ADARB2: variants seen among roughly 807,000 people sequenced by gnomAD.
ADARB2 encodes inactive double-stranded RNA-specific editase B2.
In ADARB2, 25 loss-of-function variants were observed where a neutral mutation model predicts 62.2. That is an observed-to-expected ratio of 0.40 (90% CI 0.29 to 0.56). The LOEUF is 0.56. Among genes scored for constraint, ADARB2 ranks in the 20% least tolerant of loss-of-function variants. The pLI is 0.43. For missense variants in ADARB2, 1,071 were observed against 1,077.4 expected (o/e 0.99, Z 0.08); for synonymous variants, 572 against 500.8 (o/e 1.14, Z -1.90).
intron 1 of ADARB2, among the ~76,000 whole-genome samples, chr10:1,483,623 G>T (rs1312187665): frequency 6.6e-6 from 1 of 152,044 alleles, no homozygotes; most frequent in Admixed American, 6.5e-5. Flanking sequence ...GTCTTTCAGT[G>T]GTGCTCTTTA....
At chr10:1,581,220 G>A (rs1833092844) in intron 1 of ADARB2, among the ~76,000 whole-genome samples, 1 of 152,236 alleles carries the variant, frequency 6.6e-6, no homozygotes, top group Non-Finnish European at 1.5e-5. Flanking sequence ...CGATGTTCAA[G>A]GTGCGGGGAA....
intron 4 of ADARB2, among the ~76,000 whole-genome samples, chr10:1,252,918 A>G (rs1428060751): frequency 6.6e-6 from 1 of 152,160 alleles, no homozygotes; most frequent in South Asian, 2.1e-4. Context: ...TAAACATTTC[A>G]AATGCATTGA....
intron 8 of ADARB2, among the ~76,000 whole-genome samples, chr10:1,196,315 C>T (rs1386020005): frequency 1.3e-5 from 2 of 149,090 alleles, no homozygotes; most frequent in East Asian, 4.0e-4. Context: ...GTTCACTGCT[C>T]TATTCTCAAT....
chr10:1,206,700 CCGTCTCTG>C (rs1837072382), intron 7 of ADARB2, among the ~76,000 whole-genome samples: 1 of 152,202 alleles, frequency 6.6e-6, no homozygotes, highest in South Asian at 2.1e-4. Context: ...CCCTGCGCCT[CCGTCTCTG>C]CGTCTCTGTA....
intron 1 of ADARB2, among the ~76,000 whole-genome samples, chr10:1,469,880 A>G (rs1010125775): frequency 2.6e-5 from 4 of 152,250 alleles, no homozygotes; most frequent in Admixed American, 2.6e-4. Flanking sequence ...ATCCAACCAG[A>G]TGGAAAAAAC....
chr10:1,712,431 T>G (rs779834736), intron 1 of ADARB2, among the ~76,000 whole-genome samples: 32 of 150,178 alleles, frequency 2.1e-4, no homozygotes, highest in African/African-American at 6.8e-4. Flanking sequence ...AATATACTGC[T>G]TTTTTTTTTC....
chr10:1,327,560 C>T (rs369706205), intron 3 of ADARB2, among the ~76,000 whole-genome samples: 2 of 21,266 alleles, frequency 9.4e-5, no homozygotes, highest in African/African-American at 2.0e-4. Context: ...TCCTCACGGC[C>T]CAGCGCCTCC....
At chr10:1,206,504 TG>T (rs1382756392) in intron 7 of ADARB2, among the ~76,000 whole-genome samples, 1 of 151,500 alleles carries the variant, frequency 6.6e-6, no homozygotes, top group Non-Finnish European at 1.5e-5. Flanking sequence ...TCCTCGTGCC[TG>T]TGTGGTCTGA....
At chr10:1,350,918 CTG>C (rs946891276) in intron 3 of ADARB2, among the ~76,000 whole-genome samples, 4 of 152,204 alleles carry the variant, frequency 2.6e-5, no homozygotes, top group Non-Finnish European at 5.9e-5. Flanking sequence ...CTTGCATCCA[CTG>C]TGAGACAAAC....
At chr10:1,267,951 GTGA>G (rs1186037256) in intron 4 of ADARB2, among the ~76,000 whole-genome samples, 1 of 152,200 alleles carries the variant, frequency 6.6e-6, no homozygotes, top group Non-Finnish European at 1.5e-5. Context: ...ATAAATACCA[GTGA>G]TGATGGTGTA....
At chr10:1,681,485 T>TA (rs113678958) in intron 1 of ADARB2, among the ~76,000 whole-genome samples, 27,005 of 148,192 alleles carry the variant, frequency 0.18, 2,802 homozygotes, top group African/African-American at 0.3. Flanking sequence ...TAAAAAATAT[T>TA]AAAAAAAAAA....
At chr10:1,300,345 G>A (rs1037215120) in intron 3 of ADARB2, among the ~76,000 whole-genome samples, 2 of 140,938 alleles carry the variant, frequency 1.4e-5, no homozygotes, top group Middle Eastern at 3.7e-3. Flanking sequence ...CTACAGTGAC[G>A]GCTGCTCCCA....
intron 1 of ADARB2, among the ~76,000 whole-genome samples, chr10:1,669,192 G>T (rs1834349440): frequency 6.6e-6 from 1 of 152,174 alleles, no homozygotes; most frequent in South Asian, 2.1e-4. Flanking sequence ...CCTCATCAGG[G>T]CTTCACCAGG....
At chr10:1,467,890 T>C (rs917555757) in intron 1 of ADARB2, among the ~76,000 whole-genome samples, 3 of 152,304 alleles carry the variant, frequency 2.0e-5, no homozygotes, top group Non-Finnish European at 2.9e-5. Context: ...GCCGTCTGTC[T>C]GACGAGGACA....
chr10:1,449,515 T>G (rs550983457), intron 1 of ADARB2, among the ~76,000 whole-genome samples: 5 of 152,296 alleles, frequency 3.3e-5, no homozygotes, highest in African/African-American at 1.2e-4. Context: ...CTAATTCCTT[T>G]CAGGACCCTC....
intron 1 of ADARB2, among the ~76,000 whole-genome samples, chr10:1,422,594 G>A (rs2131885698): frequency 6.6e-6 from 1 of 152,314 alleles, no homozygotes; most frequent in Middle Eastern, 3.4e-3. Context: ...CAGGTCACAT[G>A]TCCCTTACCT....
intron 1 of ADARB2, among the ~76,000 whole-genome samples, chr10:1,410,976 G>A (rs886348116): frequency 6.6e-6 from 1 of 152,184 alleles, no homozygotes; most frequent in Non-Finnish European, 1.5e-5. Flanking sequence ...TCAGATCCCG[G>A]ACTTTGGTGC....
chr10:1,217,831 C>A (rs959173267), intron 6 of ADARB2, among the ~76,000 whole-genome samples: 6 of 152,022 alleles, frequency 3.9e-5, no homozygotes, highest in African/African-American at 1.4e-4. Context: ...CCCCTAATTA[C>A]CAAGGGTCGC....
chr10:1,545,924 G>A (rs1236582102), intron 1 of ADARB2, among the ~76,000 whole-genome samples: 1 of 152,134 alleles, frequency 6.6e-6, no homozygotes, highest in Non-Finnish European at 1.5e-5. Flanking sequence ...GAAATGAACA[G>A]AGAAATGGAC....
Sources: gnomAD v4.1 joint callset for allele counts (sites outside exome capture counted in the v4.1 genomes callset) on GRCh38, gnomAD v4.1.1 for gene constraint, MANE v1.5 for transcripts, NCBI Gene and HGNC (gene_info 2026-07-23, HGNC 2026-07-21) for gene names.